The following LRRTM4 variants were observed in gnomAD, a reference collection of about 807,000 sequenced individuals.
LRRTM4 encodes leucine-rich repeat transmembrane neuronal protein 4.
Under a neutral mutation model 47.6 loss-of-function variants are expected in LRRTM4, and 25 were observed. That is an observed-to-expected ratio of 0.53 (90% CI 0.38 to 0.73). LRRTM4 has a LOEUF of 0.73. Among genes scored for constraint, LRRTM4 ranks in the 30% least tolerant of loss-of-function variants. LRRTM4 has a pLI of 0.00. For synonymous variants in LRRTM4, 311 were observed against 269.5 expected (o/e 1.15, Z -1.51); for missense variants, 638 against 713.4 (o/e 0.89, Z 1.20).
At chr2:76,998,237 T>C (rs1433150988) in intron 3 of LRRTM4, among the ~76,000 whole-genome samples, 1 of 152,098 alleles carries the variant, frequency 6.6e-6, no homozygotes, top group Non-Finnish European at 1.5e-5. Flanking sequence ...ATCTGTTATA[T>C]ACAATACACT....
At chr2:76,802,382 A>G (rs1294802156) in intron 3 of LRRTM4, among the ~76,000 whole-genome samples, 5 of 152,274 alleles carry the variant, frequency 3.3e-5, no homozygotes, top group Admixed American at 2.6e-4. Context: ...TACAATATCT[A>G]CAAGATAGTC....
intron 3 of LRRTM4, among the ~76,000 whole-genome samples, chr2:77,394,447 G>A (rs1277406435): frequency 2.6e-5 from 4 of 151,850 alleles, no homozygotes; most frequent in African/African-American, 9.7e-5. Flanking sequence ...AAAAAATCAT[G>A]AGAGCTATAA....
intron 3 of LRRTM4, among the ~76,000 whole-genome samples, chr2:76,926,083 C>T (rs1012078636): frequency 6.6e-6 from 1 of 152,050 alleles, no homozygotes; most frequent in Admixed American, 6.6e-5. Context: ...GAGTTTGTTA[C>T]TCTAAGTGAA....
At chr2:76,915,015 C>T (rs550149527) in intron 3 of LRRTM4, among the ~76,000 whole-genome samples, 7 of 152,088 alleles carry the variant, frequency 4.6e-5, no homozygotes, top group South Asian at 2.1e-4. Flanking sequence ...GAACTGATGC[C>T]GAATCAGGCA....
chr2:76,794,316 AAG>A (rs1675141249), intron 3 of LRRTM4, among the ~76,000 whole-genome samples: 1 of 152,206 alleles, frequency 6.6e-6, no homozygotes, highest in Non-Finnish European at 1.5e-5. Context: ...ATTAGTATGA[AAG>A]GAAGTTATGT....
chr2:76,947,004 T>C (rs9309509), intron 3 of LRRTM4, among the ~76,000 whole-genome samples: 90,135 of 151,510 alleles, frequency 0.59, 29,097 homozygotes, highest in African/African-American at 0.85. Context: ...GTGAAGAGAA[T>C]AATTATAGAA....
At chr2:76,820,994 T>C (rs1671038198) in intron 3 of LRRTM4, among the ~76,000 whole-genome samples, 1 of 151,756 alleles carries the variant, frequency 6.6e-6, no homozygotes, top group Admixed American at 6.6e-5. Flanking sequence ...TGGTTATATG[T>C]TCTGATGTAA....
At chr2:77,473,780 G>T (rs1027056743) in intron 3 of LRRTM4, among the ~76,000 whole-genome samples, 1 of 152,124 alleles carries the variant, frequency 6.6e-6, no homozygotes, top group African/African-American at 2.4e-5. Context: ...ATTGGTACCA[G>T]TGTATGTAAC....
chr2:76,886,326 C>T (rs1055082203), intron 3 of LRRTM4, among the ~76,000 whole-genome samples: 2 of 152,134 alleles, frequency 1.3e-5, no homozygotes, highest in Non-Finnish European at 2.9e-5. Context: ...CAACCTTAAA[C>T]TTGCACATAC....
intron 3 of LRRTM4, among the ~76,000 whole-genome samples, chr2:77,202,474 T>C (rs1427812448): frequency 6.6e-6 from 1 of 152,136 alleles, no homozygotes. Context: ...TGTCTATAAA[T>C]GTCCACGGCT....
intron 3 of LRRTM4, among the ~76,000 whole-genome samples, chr2:76,908,297 T>G (rs1211957636): frequency 6.6e-6 from 1 of 152,156 alleles, no homozygotes; most frequent in Non-Finnish European, 1.5e-5. Flanking sequence ...TTAACAACCT[T>G]CATGCTAAAA....
chr2:76,998,677 A>C (rs1396522893), intron 3 of LRRTM4, among the ~76,000 whole-genome samples: 1 of 152,064 alleles, frequency 6.6e-6, no homozygotes, highest in Non-Finnish European at 1.5e-5. Flanking sequence ...GAGAGAAAAA[A>C]AACCCAAAAA....
chr2:77,285,880 T>G (rs1676642092), intron 3 of LRRTM4, among the ~76,000 whole-genome samples: 1 of 152,184 alleles, frequency 6.6e-6, no homozygotes, highest in Non-Finnish European at 1.5e-5. Context: ...ACAAGTCATA[T>G]TGGTTAGTAA....
chr2:77,229,893 T>C (rs1674918591), intron 3 of LRRTM4, among the ~76,000 whole-genome samples: 1 of 152,140 alleles, frequency 6.6e-6, no homozygotes. Flanking sequence ...CTATATAAAA[T>C]ATATCCCCCA....
chr2:77,213,342 C>A (rs562864705), intron 3 of LRRTM4, among the ~76,000 whole-genome samples: 1 of 152,222 alleles, frequency 6.6e-6, no homozygotes. Context: ...TAATCGCAAC[C>A]AGCTCCTCTA....
chr2:77,225,812 G>C (rs1313911808), intron 3 of LRRTM4, among the ~76,000 whole-genome samples: 2 of 150,038 alleles, frequency 1.3e-5, no homozygotes, highest in African/African-American at 4.9e-5. Flanking sequence ...TTGCCATTTT[G>C]TCTTTACTTT....
chr2:77,471,939 C>T (rs1440526869), intron 3 of LRRTM4, among the ~76,000 whole-genome samples: 1 of 152,100 alleles, frequency 6.6e-6, no homozygotes. Context: ...CTTGTAACCC[C>T]AAATCTAATC....
intron 3 of LRRTM4, among the ~76,000 whole-genome samples, chr2:76,865,619 G>C (rs914007614): frequency 1.3e-5 from 2 of 151,994 alleles, no homozygotes; most frequent in Non-Finnish European, 2.9e-5. Context: ...ATAATTTTGA[G>C]CTCCTTCCTA....
chr2:77,125,548 G>A (rs1260452301), intron 3 of LRRTM4, among the ~76,000 whole-genome samples: 1 of 152,018 alleles, frequency 6.6e-6, no homozygotes, highest in African/African-American at 2.4e-5. Flanking sequence ...AAAAGTAAAC[G>A]AGGACCATCT....
Sources: gnomAD v4.1 joint callset for allele counts (sites outside exome capture counted in the v4.1 genomes callset) on GRCh38, gnomAD v4.1.1 for gene constraint, MANE v1.5 for transcripts, NCBI Gene and HGNC (gene_info 2026-07-23, HGNC 2026-07-21) for gene names.